HECTD4: variants seen among roughly 807,000 people sequenced by gnomAD.
HECTD4 encodes the protein probable E3 ubiquitin-protein ligase HECTD4.
Under a neutral mutation model 471.5 loss-of-function variants are expected in HECTD4, and 114 were observed. That is an observed-to-expected ratio of 0.24 (90% CI 0.21 to 0.28). The LOEUF is 0.28. HECTD4 is among the 10% of genes least tolerant of loss of function. The pLI, the probability that HECTD4 is intolerant of heterozygous loss-of-function variation, is 1.00. For synonymous variants in HECTD4, 2,012 were observed against 2,256.0 expected (o/e 0.89, Z 3.07); for missense variants, 3,866 against 5,651.5 (o/e 0.68, Z 10.13).
At chr12:112,177,473 G>A (rs577352649) in intron 64 of HECTD4, among the ~76,000 whole-genome samples, 3 of 148,642 alleles carry the variant, frequency 2.0e-5, no homozygotes, top group East Asian at 2.0e-4. Context: ...TCCGCCTCCC[G>A]GGCTCACGCC....
chr12:112,302,804 G>T, intron 7 of HECTD4: 1 of 259,356 alleles, frequency 3.9e-6, no homozygotes, highest in Non-Finnish European at 7.1e-6. Flanking sequence ...CTTTTTATTA[G>T]GGAAAATTTT....
intron 1 of HECTD4, among the ~76,000 whole-genome samples, chr12:112,357,933 T>C (rs1027772939): frequency 6.6e-6 from 1 of 152,236 alleles, no homozygotes; most frequent in African/African-American, 2.4e-5. Flanking sequence ...CCAGGCCCAG[T>C]GGCTCATGCC....
At position 112,184,429 on chromosome 12, in the gene HECTD4, G is replaced by A. The variant is rs752003220; in HGVS notation, c.10537C>T (p.Pro3513Ser). Residue 3513 changes from proline (P) to serine (S), a missense_variant, in exon 61 of 76, where the codon CCT (proline) becomes TCT (serine). Physicochemically the swap from Pro to Ser is moderately conservative, Grantham distance 74 (BLOSUM62 -1). Coordinates refer to ENST00000682272, the MANE Select transcript of HECTD4 (RefSeq NM_001388303.1). This position sits in a 1 kb window ranked among gnomAD's most constrained non-coding sequence, Gnocchi z 9.1. ...GGGATGGGCAGCTCGAGGCCGGCAG[G>A]CAGCGGATCCACAGAGAGGTCGCTG... ...TVSDLSVDPL[P>S]AGLELPIPPG... 6.2e-7 allele frequency: 1 copy of A among 1,605,868 alleles called. No homozygotes were observed. Among genetic ancestry groups the A allele is most frequent in the Admixed American group, 1.7e-5 (1 of 59,288 alleles).
chr12:112,269,806 C>G lies in HECTD4; in HGVS notation c.2219G>C (p.Arg740Pro). The G allele has an allele frequency of 6.2e-7, 1 of 1,613,904 alleles. No individual in the cohort carries two copies. ...FFFSPQTERN[R>P]DIIRRSGLLL... ...CAATCCCGACCGTCGAATGATGTCTCGATTCCTTTCAGTTTGTGGGCTGAA... is the reference window on the plus strand; with the variant it reads ...CAATCCCGACCGTCGAATGATGTCTGGATTCCTTTCAGTTTGTGGGCTGAA... The change falls in exon 13 of 76, where the codon CGA becomes CCA. Residue 740 changes from arginine (R) to proline (P), a missense_variant. Coordinates refer to ENST00000682272, the MANE Select transcript of HECTD4 (RefSeq NM_001388303.1).
chr12:112,354,476 A>G (rs2036297621), intron 1 of HECTD4, among the ~76,000 whole-genome samples: 1 of 152,208 alleles, frequency 6.6e-6, no homozygotes, highest in African/African-American at 2.4e-5. Flanking sequence ...AGGAGCAGCC[A>G]GTAGTTTGAG....
rs755783846 is a variant in HECTD4, at chr12:112,261,394, T to C, written c.2784A>G (p.Gln928=). 6.0e-5 allele frequency: 96 copies of C among 1,610,216 alleles called. No homozygotes were observed. The highest frequency in any genetic ancestry group is 2.0e-5 in the Non-Finnish European group (24 of 1,176,848). The change falls in exon 18 of 76, where the codon CAA becomes CAG. Residue 928 remains glutamine, a synonymous_variant. Transcript: ENST00000682272. ...LKVSILALAT[Q]ILTGCDEVLE... is the part of the protein sequence containing the mutation. ...ACACTTCATCACATCCAGTCAGGATTTGGGTGGCAAGAGCCAAAATACTGA... is the reference window on the plus strand; with the variant it reads ...ACACTTCATCACATCCAGTCAGGATCTGGGTGGCAAGAGCCAAAATACTGA...
rs1566059025 is a variant in HECTD4 at position 112,170,483 on chromosome 12, TGG to T, written c.11933-33_11933-32del. The T allele has an allele frequency of 1.9e-6, 3 of 1,610,366 alleles. No homozygotes were observed. In the South Asian group the frequency reaches 3.3e-5, roughly 18 times the overall value. On this transcript the variant is annotated intron_variant, in intron 68 of 75. Coordinates refer to ENST00000682272, the MANE Select transcript of HECTD4 (RefSeq NM_001388303.1). ...GAGAGGAACGTGGGAGAGGCTTGGGTGGGGCTTTGTCCCTTCCTTCCCAGTCC... is the reference window on the plus strand; with the variant it reads ...GAGAGGAACGTGGGAGAGGCTTGGGTGGCTTTGTCCCTTCCTTCCCAGTCC...
At chr12:112,198,448 GA>G (rs2032314416) in intron 55 of HECTD4, among the ~76,000 whole-genome samples, 1 of 152,204 alleles carries the variant, frequency 6.6e-6, no homozygotes, top group African/African-American at 2.4e-5. Flanking sequence ...TACTCCATGG[GA>G]AGGTCTGCAT....
At chr12:112,222,875 TTAAG>T (rs2033138167) in intron 44 of HECTD4, among the ~76,000 whole-genome samples, 1 of 152,030 alleles carries the variant, frequency 6.6e-6, no homozygotes, top group Non-Finnish European at 1.5e-5. Flanking sequence ...AGTCTGAATA[TTAAG>T]TAAAACAGGG....
chr12:112,346,612 T>G (rs2036156142), intron 1 of HECTD4, among the ~76,000 whole-genome samples: 1 of 152,232 alleles, frequency 6.6e-6, no homozygotes, highest in Admixed American at 6.5e-5. Flanking sequence ...AAGCTACTCT[T>G]GGCTTTCCAG....
At position 112,173,637 on chromosome 12, in the gene HECTD4, G is replaced by A. The variant is rs984599477; in HGVS notation, c.11595-776C>T. On this transcript the variant is annotated intron_variant, in intron 66 of 75. Coordinates refer to ENST00000682272, the MANE Select transcript of HECTD4 (RefSeq NM_001388303.1). The surrounding 1 kb of genome is among the most constrained non-coding windows in gnomAD (Gnocchi z 4.3). ...TCTCAATCTCCTGACCTTGTGATCC[G>A]CCCGCCTCAGCCTCCCAAAGTGCTG... Among the ~76,000 whole-genome samples, 8 of 151,486 alleles carry A rather than the reference G, an allele frequency of 5.3e-5. No individual in the cohort carries two copies. Among genetic ancestry groups the A allele is most frequent in the East Asian group, 2.0e-4 (1 of 5,124 alleles).
intron 44 of HECTD4, 179 bp downstream of exon 44, chr12:112,226,464 A>G (rs1351259161): frequency 4.5e-6 from 2 of 447,458 alleles, no homozygotes; most frequent in East Asian, 3.2e-5. Context: ...GGTGTAGATT[A>G]AAAGCTTTTT....
chr12:112,208,480 T>C lies in HECTD4; in HGVS notation c.8004+14A>G, dbSNP rs909346864. On this transcript the variant is annotated intron_variant, in intron 51 of 75. Transcript: ENST00000682272. ...ATGCTGCTGAGTCCTGATCTAAGCC[T>C]GTGGGTCTCTTACCTGAGGGATGTC... 4 of 1,569,494 alleles carry C rather than the reference T, an allele frequency of 2.5e-6. No individual in the cohort carries two copies. Among genetic ancestry groups the C allele is most frequent in the Non-Finnish European group, 3.4e-6 (4 of 1,161,156 alleles).
intron 60 of HECTD4, 136 bp downstream of exon 60, chr12:112,190,650 C>T (rs903914272): frequency 6.8e-5 from 46 of 673,002 alleles, no homozygotes; most frequent in East Asian, 3.7e-4. Flanking sequence ...CTTCAAATGA[C>T]AGCAATCTGA....
chr12:112,208,379 G>C (rs139254355), intron 51 of HECTD4, 115 bp downstream of exon 51: 2 of 1,074,710 alleles, frequency 1.9e-6, no homozygotes, highest in African/African-American at 3.2e-5. Flanking sequence ...GTCACTGAGA[G>C]TAACAAAACC....
rs368305652 is a variant in HECTD4, at chr12:112,175,922, G to C, written c.11471-63C>G. ...CCTGCGCACATCGCGCGCCTCCAAC[G>C]TGCTCTGCTCTCACCACAGCCTCTC... On this transcript the variant is annotated intron_variant, in intron 65 of 75. Coordinates refer to ENST00000682272, the MANE Select transcript of HECTD4 (RefSeq NM_001388303.1). 25 of 1,589,024 alleles carry C rather than the reference G, an allele frequency of 1.6e-5. No homozygotes were observed. The African/African-American group carries it at 1.7e-4, about 11-fold the overall frequency.
At chr12:112,183,437 A>C (rs558435268) in intron 61 of HECTD4, among the ~76,000 whole-genome samples, 171 bp from the exon 62 acceptor site, 2 of 152,308 alleles carry the variant, frequency 1.3e-5, no homozygotes, top group South Asian at 4.1e-4. Context: ...CCCACAGGCC[A>C]ACAACAGTGA....
chr12:112,206,248 C>G (rs2032576339), intron 52 of HECTD4, among the ~76,000 whole-genome samples: 1 of 152,098 alleles, frequency 6.6e-6, no homozygotes, highest in Admixed American at 6.6e-5. Flanking sequence ...GTAATCCCAG[C>G]ACTTTGGAGG....
intron 1 of HECTD4, among the ~76,000 whole-genome samples, chr12:112,361,591 G>C (rs994141546): frequency 4.6e-5 from 7 of 152,082 alleles, no homozygotes; most frequent in Non-Finnish European, 1.5e-5. Context: ...CCCTTGAAGG[G>C]GGGCATTTTA....
Sources: gnomAD v4.1 joint callset for allele counts (sites outside exome capture counted in the v4.1 genomes callset) on GRCh38, gnomAD v4.1.1 for gene constraint, Gnocchi (gnomAD v3.1) non-coding constraint, MANE v1.5 for transcripts, NCBI Gene and HGNC (gene_info 2026-07-23, HGNC 2026-07-21) for gene names.